Variants in ZFHX3 observed in about 807,000 individuals in gnomAD.
ZFHX3 encodes the protein zinc finger homeobox 3, also known as zinc finger homeobox protein 3.
In ZFHX3, 42 loss-of-function variants were observed where a neutral mutation model predicts 279.1. The observed-to-expected ratio is 0.15, with a 90% CI of 0.12 to 0.19. The LOEUF (loss-of-function observed/expected upper bound fraction) is 0.19, where lower values mean the gene tolerates loss of function less well. ZFHX3 is among the 10% of genes least tolerant of loss of function. The pLI, the probability that ZFHX3 is intolerant of heterozygous loss-of-function variation, is 1.00. For synonymous variants in ZFHX3, 2,293 were observed against 1,957.8 expected, an observed-to-expected ratio of 1.17 and a Z score of -4.52; for missense variants, 4,981 against 4,754.0, an observed-to-expected ratio of 1.05 and a Z score of -1.40.
intron 2 of ZFHX3, among the ~76,000 whole-genome samples, chr16:73,464,956 G>T (rs958914920): frequency 6.6e-6 from 1 of 152,128 alleles, no homozygotes; most frequent in African/African-American, 2.4e-5. Flanking sequence ...GCCCACCAAG[G>T]CTGGGCGGGA....
intron 1 of ZFHX3, among the ~76,000 whole-genome samples, chr16:73,736,478 A>T (rs2053611193): frequency 6.6e-6 from 1 of 152,240 alleles, no homozygotes; most frequent in Non-Finnish European, 1.5e-5. Context: ...GCCACCTGCC[A>T]CATACAAACA....
At chr16:72,897,480 T>C (rs928965405) in intron 3 of ZFHX3, among the ~76,000 whole-genome samples, 2 of 152,068 alleles carry the variant, frequency 1.3e-5, no homozygotes, top group African/African-American at 2.4e-5. Flanking sequence ...CACTCTATCA[T>C]CCAGGATGGA....
At chr16:72,824,258 C>T (rs981059785) in intron 5 of ZFHX3, among the ~76,000 whole-genome samples, 4 of 152,164 alleles carry the variant, frequency 2.6e-5, no homozygotes, top group South Asian at 4.1e-4. Flanking sequence ...ATTCCATAAA[C>T]GTACTTTTCC....
intron 2 of ZFHX3, among the ~76,000 whole-genome samples, chr16:73,595,977 T>TTTTTATTTTATTTTATTTTATTTTA (rs61219527): frequency 6.6e-5 from 9 of 135,404 alleles, no homozygotes; most frequent in African/African-American, 2.2e-4. Context: ...GACCATTACT[T>TTTTTATTTTATTTTATTTTATTTTA]TTTTATTTTA....
chr16:72,924,412 G>A (rs1037049855), intron 3 of ZFHX3, among the ~76,000 whole-genome samples: 1 of 152,122 alleles, frequency 6.6e-6, no homozygotes, highest in Non-Finnish European at 1.5e-5. Flanking sequence ...ACAGCCCAAG[G>A]GTTCCTCAAC....
rs79448362 is a variant in ZFHX3, at chr16:73,279,791, T to C, written c.-1193-22655A>G. ...ACCCTGCTTCTCTCAGAACAGAGTC[T>C]TGCAACTGAGCAAATGAAGCAATCA... On this transcript the variant is annotated intron_variant, in intron 4 of 17. Transcript: ENST00000641206. Among the ~76,000 whole-genome samples the C allele has an allele frequency of 5.7e-3, 872 of 152,298 alleles. 5 individuals are homozygous for C. The highest frequency in any genetic ancestry group is 0.017 in the Middle Eastern group (5 of 294).
intron 1 of ZFHX3, among the ~76,000 whole-genome samples, chr16:73,757,642 G>C (rs751660954): frequency 2.8e-4 from 42 of 152,222 alleles, no homozygotes; most frequent in Non-Finnish European, 4.6e-4. Context: ...GGAGGAAACA[G>C]ACCCCAAACG....
chr16:73,381,237 A>G (rs966626041), intron 3 of ZFHX3, among the ~76,000 whole-genome samples: 7 of 152,212 alleles, frequency 4.6e-5, no homozygotes, highest in South Asian at 2.1e-4. Flanking sequence ...TTCTTCCCAG[A>G]AAACATATAT....
chr16:72,942,185 G>C (rs940564128), intron 3 of ZFHX3, among the ~76,000 whole-genome samples: 1 of 152,184 alleles, frequency 6.6e-6, no homozygotes, highest in Non-Finnish European at 1.5e-5. Flanking sequence ...TCCTCAGCAA[G>C]TTGAAAGAAT....
intron 1 of ZFHX3, among the ~76,000 whole-genome samples, chr16:73,682,867 AAAGAAAG>A (rs1178036279): frequency 3.5e-5 from 1 of 28,224 alleles, no homozygotes; most frequent in Non-Finnish European, 7.2e-5. Context: ...AGAAAGAAAG[AAAGAAAG>A]AAAGAAAGAA....
intron 1 of ZFHX3, among the ~76,000 whole-genome samples, chr16:73,745,939 T>C (rs1480537093): frequency 6.6e-6 from 1 of 152,232 alleles, no homozygotes; most frequent in Non-Finnish European, 1.5e-5. Flanking sequence ...CTTATTTTCA[T>C]TTACCCTTTT....
intron 1 of ZFHX3, among the ~76,000 whole-genome samples, chr16:73,739,680 G>T (rs1481199011): frequency 6.6e-6 from 1 of 152,172 alleles, no homozygotes; most frequent in African/African-American, 2.4e-5. Context: ...TCCCAAAAGG[G>T]TGGGAGAAAG....
intron 3 of ZFHX3, among the ~76,000 whole-genome samples, chr16:73,342,397 C>T (rs1406280851): frequency 6.6e-6 from 1 of 152,110 alleles, no homozygotes; most frequent in East Asian, 1.9e-4. Context: ...GCATGGTTCA[C>T]AATGGAGATA....
chr16:73,109,761 G>C (rs1966348910), intron 7 of ZFHX3, among the ~76,000 whole-genome samples: 1 of 151,734 alleles, frequency 6.6e-6, no homozygotes, highest in Admixed American at 6.6e-5. Flanking sequence ...AGGCACGAGA[G>C]TCACTTGAAC....
At chr16:73,890,489 T>G (rs1474236441) in intron 1 of ZFHX3, among the ~76,000 whole-genome samples, 1 of 152,228 alleles carries the variant, frequency 6.6e-6, no homozygotes, top group Non-Finnish European at 1.5e-5. Context: ...TTGCATTTTC[T>G]TTATTGTCAA....
chr16:73,268,562 C>T (rs2014048886), intron 4 of ZFHX3, among the ~76,000 whole-genome samples: 1 of 152,226 alleles, frequency 6.6e-6, no homozygotes, highest in African/African-American at 2.4e-5. Context: ...CTGGGACTTG[C>T]TTGTTTTCAT....
chr16:73,010,836 G>A (rs1280823779), intron 1 of ZFHX3, among the ~76,000 whole-genome samples: 4 of 152,236 alleles, frequency 2.6e-5, no homozygotes, highest in African/African-American at 9.6e-5. Context: ...ACAGAGTCTT[G>A]CTCTGTCACC....
intron 4 of ZFHX3, among the ~76,000 whole-genome samples, chr16:73,282,376 CTCTACAAG>C (rs2014479592): frequency 6.6e-6 from 1 of 152,170 alleles, no homozygotes; most frequent in African/African-American, 2.4e-5. Flanking sequence ...GTTAGTATTT[CTCTACAAG>C]TCTATTATTA....
intron 2 of ZFHX3, among the ~76,000 whole-genome samples, chr16:73,535,804 C>T (rs977502821): frequency 6.7e-6 from 1 of 149,042 alleles, no homozygotes; most frequent in Non-Finnish European, 1.5e-5. Context: ...CTCACTGCAA[C>T]CTCCACCTCC....
Sources: gnomAD v4.1 joint callset for allele counts (sites outside exome capture counted in the v4.1 genomes callset) on GRCh38, gnomAD v4.1.1 for gene constraint, MANE v1.5 for transcripts, NCBI Gene and HGNC (gene_info 2026-07-23, HGNC 2026-07-21) for gene names.